RETREG3: variants seen among roughly 807,000 people sequenced by gnomAD.
RETREG3 encodes the protein reticulophagy regulator 3.
Under a neutral mutation model 50.2 loss-of-function variants are expected in RETREG3, and 23 were observed. The observed-to-expected ratio is 0.46, with a 90% CI of 0.33 to 0.65. The LOEUF is 0.65. Ranked by LOEUF, RETREG3 falls within the 30% of genes least tolerant of loss-of-function variation. The pLI is 0.02. For synonymous variants in RETREG3, 240 were observed against 234.4 expected, an observed-to-expected ratio of 1.02 and a Z score of -0.22; for missense variants, 546 against 598.0, an observed-to-expected ratio of 0.91 and a Z score of 0.91.
At chr17:42,589,233 G>A (rs2093127641) in intron 2 of RETREG3, among the ~76,000 whole-genome samples, 1 of 152,104 alleles carries the variant, frequency 6.6e-6, no homozygotes, top group African/African-American at 2.4e-5. Context: ...AATATGATGG[G>A]CATGTATTTA....
intron 2 of RETREG3, among the ~76,000 whole-genome samples, chr17:42,590,104 T>C (rs2093129531): frequency 6.6e-6 from 1 of 152,178 alleles, no homozygotes; most frequent in South Asian, 2.1e-4. Flanking sequence ...CTCAGGAGAC[T>C]GAGGCAGGAG....
At position 42,581,809 on chromosome 17, in the gene RETREG3, T is replaced by C. The variant is rs777206721; in HGVS notation, c.*4A>G. 2.6e-6 allele frequency: 4 copies of C among 1,560,428 alleles called. No homozygotes were observed. The African/African-American group carries it at 4.1e-5, about 16-fold the overall frequency. On this transcript the variant is annotated 3_prime_UTR_variant, in exon 9 of 9. Transcript: ENST00000309428. ...CACAGTGACTCCCAAAAGGAGTCTCTGCCTCAGTGGCTCCTAGAACTGGCA... is the reference window on the plus strand; with the variant it reads ...CACAGTGACTCCCAAAAGGAGTCTCCGCCTCAGTGGCTCCTAGAACTGGCA...
Position 42,583,533 on chromosome 17 carries a change from C to T in RETREG3, c.775G>A (p.Asp259Asn), listed in dbSNP as rs1166885069. Residue 259 changes from aspartate to asparagine, a missense_variant, in exon 7 of 9, where the codon GAC (aspartate) becomes AAC (asparagine). Coordinates refer to ENST00000309428, the MANE Select transcript of RETREG3 (RefSeq NM_178126.4). ...AAGGCAGCAAGCTCCTCTTCGCTGT[C>T]ACTGTGGTTGTCCATGGCTCGTTCT... ...HPERAMDNHS[D>N]SEEELAAFCP... 1 of 1,613,772 alleles carries T rather than the reference C, an allele frequency of 6.2e-7. No individual in the cohort carries two copies. The highest frequency in any genetic ancestry group is 8.5e-7 in the Non-Finnish European group (1 of 1,179,870).
chr17:42,593,484 C>T (rs190889538), intron 1 of RETREG3, among the ~76,000 whole-genome samples: 25 of 151,836 alleles, frequency 1.6e-4, no homozygotes, highest in African/African-American at 5.8e-4. Flanking sequence ...CCTGTCTCTA[C>T]TAAAAATACA....
rs570638308 is a variant in RETREG3 at position 42,608,296 on chromosome 17, C to T, written c.239+790G>A. Among the ~76,000 whole-genome samples, 26 of 152,294 alleles carry T rather than the reference C, an allele frequency of 1.7e-4. No homozygotes were observed. In the East Asian group the frequency reaches 4.0e-3, roughly 24 times the overall value. The stretch of plus-strand genomic sequence containing the variant: ...TTCAGGTGATGACAACTGAGAGAAG[C>T]AGCAGTTCCATTTTCACAGAGCATG... On this transcript the variant is annotated intron_variant, in intron 1 of 8. Transcript: ENST00000309428.
At chr17:42,591,074 A>C (rs2143391146) in intron 2 of RETREG3, among the ~76,000 whole-genome samples, 1 of 152,346 alleles carries the variant, frequency 6.6e-6, no homozygotes, top group East Asian at 1.9e-4. Flanking sequence ...CCATATGATC[A>C]ATTCTCTGAT....
At chr17:42,608,848 AG>A in intron 1 of RETREG3, 1 of 535,372 alleles carries the variant, frequency 1.9e-6, no homozygotes, top group Non-Finnish European at 3.3e-6. Context: ...AGCTCCCGCC[AG>A]ATGTGCGGGG....
chr17:42,598,171 C>T (rs1018422422), intron 1 of RETREG3, among the ~76,000 whole-genome samples: 16 of 151,002 alleles, frequency 1.1e-4, no homozygotes, highest in Non-Finnish European at 1.8e-4. Flanking sequence ...TTAGTAGAGA[C>T]GGGGTTTTAC....
chr17:42,599,894 T>G lies in RETREG3; in HGVS notation c.240-7732A>C, dbSNP rs1426939912. Among the ~76,000 whole-genome samples, 5 of 151,688 alleles carry G rather than the reference T, an allele frequency of 3.3e-5. No individual in the cohort carries two copies. The East Asian group carries it at 9.6e-4, about 29-fold the overall frequency. ...CTGTAATCCCAGCTACTCAACAGGC[T>G]GAGGTGGGATGACAGCTTGAGTCCG... On this transcript the variant is annotated intron_variant, in intron 1 of 8. Coordinates refer to ENST00000309428, the MANE Select transcript of RETREG3 (RefSeq NM_178126.4).
chr17:42,606,493 C>A (rs770095101), intron 1 of RETREG3, among the ~76,000 whole-genome samples: 1 of 151,794 alleles, frequency 6.6e-6, no homozygotes, highest in Non-Finnish European at 1.5e-5. Flanking sequence ...CCTAGCTACT[C>A]GGGAGACTGA....
At chr17:42,603,606 G>A (rs1407168146) in intron 1 of RETREG3, among the ~76,000 whole-genome samples, 2 of 152,110 alleles carry the variant, frequency 1.3e-5, no homozygotes, top group Non-Finnish European at 2.9e-5. Context: ...GGCATCCTTG[G>A]GAGTCTTCTC....
At chr17:42,588,566 T>C (rs2093125912) in intron 2 of RETREG3, among the ~76,000 whole-genome samples, 1 of 152,126 alleles carries the variant, frequency 6.6e-6, no homozygotes. Flanking sequence ...AGATGGGGTT[T>C]CACCATGTTG....
chr17:42,589,285 A>C (rs1000205705), intron 2 of RETREG3, among the ~76,000 whole-genome samples: 1 of 152,138 alleles, frequency 6.6e-6, no homozygotes, highest in East Asian at 1.9e-4. Flanking sequence ...CAACACTTCA[A>C]AATTAACCTG....
chr17:42,596,090 C>T (rs968881994), intron 1 of RETREG3, among the ~76,000 whole-genome samples: 2 of 151,536 alleles, frequency 1.3e-5, no homozygotes, highest in Non-Finnish European at 2.9e-5. Flanking sequence ...TGTTTTCAGC[C>T]GGGTGCAATG....
In RETREG3 at chr17:42,586,857, G is replaced by A. The variant is rs760928569; in HGVS notation, c.412C>T (p.Pro138Ser). ...TCAGCTACATGGTGGCAGAGCTCGG[G>A]CACGCTGAGCAACCGAGGGTGCACA... ...GFVHPRLLSV[P>S]ELCHHVAEVW... The change falls in exon 4 of 9, where the codon CCC becomes TCC. Residue 138 changes from proline to serine, a missense_variant. By Grantham distance (74) the Pro-to-Ser change is moderately conservative. Coordinates refer to ENST00000309428, the MANE Select transcript of RETREG3 (RefSeq NM_178126.4). 9.3e-6 allele frequency: 15 copies of A among 1,613,988 alleles called. No homozygotes were observed. Among genetic ancestry groups the A allele is most frequent in the Non-Finnish European group, 1.3e-5 (15 of 1,180,018 alleles).
rs2093134413 is a variant in RETREG3 at position 42,592,097 on chromosome 17, C to T, written c.305G>A (p.Cys102Tyr). The change falls in exon 2 of 9, where the codon TGT (cysteine) becomes TAT (tyrosine). Residue 102 changes from cysteine (C) to tyrosine (Y), a missense_variant. Physicochemically the swap from Cys to Tyr is radical, Grantham distance 194 (BLOSUM62 -2). Transcript: ENST00000309428. ...LLAFGLMIIV[C>Y]IDQWKNKIWP... ...GATTTTGTTCTTCCATTGATCAATA[C>T]ACACAATGATCATCAAGCCAAATGC... 6.2e-7 allele frequency: 1 copy of T among 1,613,908 alleles called. No individual in the cohort carries two copies. Among genetic ancestry groups the T allele is most frequent in the Non-Finnish European group, 8.5e-7 (1 of 1,179,924 alleles).
rs574122604 is a variant in RETREG3 at position 42,609,330 on chromosome 17, C to G, written c.-6G>C. 3 of 1,594,014 alleles carry G rather than the reference C, an allele frequency of 1.9e-6. No individual in the cohort carries two copies. Among genetic ancestry groups the G allele is most frequent in the Admixed American group, 1.7e-5 (1 of 59,244 alleles). ...ACCCCTTCGGCCTCAGCCATCTCCC[C>G]GCGGCAGCCACAACATCCGGGGCCG... On this transcript the variant is annotated 5_prime_UTR_variant, in exon 1 of 9. Coordinates refer to ENST00000309428, the MANE Select transcript of RETREG3 (RefSeq NM_178126.4).
At chr17:42,582,293 G>C (rs2093111159) in intron 8 of RETREG3, 23 bp from the exon 9 acceptor site, 1 of 1,581,832 alleles carries the variant, frequency 6.3e-7, no homozygotes, top group Non-Finnish European at 8.6e-7. Flanking sequence ...AGAAGTGTCT[G>C]AGTCATGGCA....
chr17:42,601,572 C>A (rs1437235947), intron 1 of RETREG3, among the ~76,000 whole-genome samples: 43 of 106,594 alleles, frequency 4.0e-4, no homozygotes, highest in African/African-American at 1.3e-3. Flanking sequence ...GCGAGACTCT[C>A]TCAAAAAAAA....
Sources: gnomAD v4.1 joint callset for allele counts (sites outside exome capture counted in the v4.1 genomes callset) on GRCh38, gnomAD v4.1.1 for gene constraint, MANE v1.5 for transcripts, NCBI Gene and HGNC (gene_info 2026-07-23, HGNC 2026-07-21) for gene names.